Variants in MROH2B observed in about 807,000 individuals in gnomAD.
MROH2B encodes maestro heat like repeat family member 2B.
A neutral mutation model predicts 208.6 loss-of-function variants in MROH2B; 177 were observed. That is an observed-to-expected ratio of 0.85 (90% CI 0.75 to 0.96). The LOEUF (loss-of-function observed/expected upper bound fraction) is 0.96, where lower values mean the gene tolerates loss of function less well. MROH2B is among the 40% of genes least tolerant of loss of function. MROH2B has a pLI of 0.00. For synonymous variants in MROH2B, 728 were observed against 659.0 expected (o/e 1.10, Z -1.60); for missense variants, 2,002 against 1,878.7 (o/e 1.07, Z -1.21).
Position 41,070,914 on chromosome 5 carries a change from A to G in MROH2B, c.-62T>C. 6.4e-7 allele frequency: 1 copy of G among 1,559,738 alleles called. No individual in the cohort carries two copies. The highest frequency in any genetic ancestry group is 1.4e-5 in the African/African-American group (1 of 73,850). On this transcript the variant is annotated 5_prime_UTR_variant, in exon 1 of 42. Transcript: ENST00000399564. ...TAAGTATTAGAAATAGTAAGGCTAA[A>G]AAATCAAAGAGGCAGGTTGGCAAGT... is the stretch of plus-strand genomic sequence containing the variant.
At chr5:41,005,703 G>T in intron 34 of MROH2B, 58 bp from the exon 35 acceptor site, 1 of 1,368,744 alleles carries the variant, frequency 7.3e-7, no homozygotes, top group Non-Finnish European at 1.0e-6. Flanking sequence ...GGAAATCTTA[G>T]TCTGTTTGTT....
At chr5:41,010,124 C>T (rs748809050) in intron 30 of MROH2B, 45 bp from the exon 31 acceptor site, 1 of 1,597,418 alleles carries the variant, frequency 6.3e-7, no homozygotes, top group Non-Finnish European at 8.5e-7. Flanking sequence ...GCCATTTTCC[C>T]TCTATGTGAA....
At chr5:41,039,130 T>A (rs186051662) in intron 20 of MROH2B, among the ~76,000 whole-genome samples, 19 of 152,260 alleles carry the variant, frequency 1.2e-4, no homozygotes, top group Admixed American at 3.9e-4. Flanking sequence ...TATATACTTA[T>A]CAGGCCCCTT....
intron 26 of MROH2B, 27 bp from the exon 27 acceptor site, chr5:41,018,457 T>G: frequency 3.8e-6 from 6 of 1,596,308 alleles, no homozygotes; most frequent in Non-Finnish European, 5.1e-6. Flanking sequence ...AAATGTTCTT[T>G]CCTTAGTATT....
At chr5:41,065,136 A>C (rs1005131883) in intron 4 of MROH2B, among the ~76,000 whole-genome samples, 195 bp downstream of exon 4, 1 of 152,196 alleles carries the variant, frequency 6.6e-6, no homozygotes, top group Non-Finnish European at 1.5e-5. Context: ...CCAAATTCAG[A>C]GCAGTCTGGA....
At chr5:41,063,221 A>T (rs1269403706) in intron 5 of MROH2B, among the ~76,000 whole-genome samples, 1 of 152,186 alleles carries the variant, frequency 6.6e-6, no homozygotes, top group Non-Finnish European at 1.5e-5. Context: ...AGAGGCTCCA[A>T]AGTTTATTTG....
intron 27 of MROH2B, 77 bp from the exon 28 acceptor site, chr5:41,018,047 A>C: frequency 1.4e-4 from 210 of 1,480,710 alleles, no homozygotes; most frequent in Non-Finnish European, 1.8e-4. Context: ...ACTGGATCTC[A>C]AGTCTCTTAT....
At chr5:41,027,895 G>A (rs1302796398) in intron 24 of MROH2B, among the ~76,000 whole-genome samples, 5 of 152,118 alleles carry the variant, frequency 3.3e-5, no homozygotes, top group Admixed American at 2.0e-4. Flanking sequence ...GTAGGGACAT[G>A]GATGAAGCTG....
intron 16 of MROH2B, 38 bp from the exon 17 acceptor site, chr5:41,047,802 A>G (rs765252600): frequency 2.6e-6 from 4 of 1,541,844 alleles, no homozygotes; most frequent in Non-Finnish European, 3.5e-6. Flanking sequence ...GCAAAAAAAC[A>G]AAACCACCCC....
chr5:41,020,915 A>C (rs918418132), intron 24 of MROH2B, among the ~76,000 whole-genome samples: 1 of 152,220 alleles, frequency 6.6e-6, no homozygotes, highest in Non-Finnish European at 1.5e-5. Context: ...TACAACTTCT[A>C]TTTAGCATAG....
At chr5:41,003,991 G>T (rs1384836048) in intron 37 of MROH2B, among the ~76,000 whole-genome samples, 1 of 152,160 alleles carries the variant, frequency 6.6e-6, no homozygotes, top group East Asian at 1.9e-4. Flanking sequence ...AAACTCTGTG[G>T]ATCCTAAGAT....
chr5:41,000,162 C>A (rs766081453), intron 39 of MROH2B, 58 bp downstream of exon 39: 3 of 1,588,518 alleles, frequency 1.9e-6, no homozygotes, highest in African/African-American at 1.4e-5. Flanking sequence ...TGCCCTTCTG[C>A]GATTTGTCTA....
At chr5:41,005,413 A>AGCACC (rs35848875) in intron 35 of MROH2B, 118 bp downstream of exon 35, 2 of 204,604 alleles carry the variant, frequency 9.8e-6, no homozygotes, top group South Asian at 5.0e-5. Flanking sequence ...CCTCTATGAA[A>AGCACC]CCCCCCCCCC....
chr5:41,014,813 C>A (rs1444172162), intron 29 of MROH2B, among the ~76,000 whole-genome samples: 1 of 152,140 alleles, frequency 6.6e-6, no homozygotes, highest in Non-Finnish European at 1.5e-5. Flanking sequence ...CTTCTTTATT[C>A]CCTTTCTTGA....
At chr5:41,046,635 CAT>C (rs1324508296) in intron 17 of MROH2B, among the ~76,000 whole-genome samples, 6 of 151,554 alleles carry the variant, frequency 4.0e-5, no homozygotes, top group African/African-American at 1.5e-4. Context: ...GAGAAGAAGA[CAT>C]GTGCAGACAG....
intron 28 of MROH2B, 82 bp downstream of exon 28, chr5:41,017,768 A>G: frequency 6.9e-7 from 1 of 1,449,942 alleles, no homozygotes; most frequent in Non-Finnish European, 9.2e-7. Context: ...GGAGAGAGAC[A>G]TAGGTGCATA....
Position 40,998,037 on chromosome 5 carries a change from T to C in MROH2B, c.*15A>G. 1 of 1,579,464 alleles carries C rather than the reference T, an allele frequency of 6.3e-7. No individual in the cohort carries two copies. The highest frequency in any genetic ancestry group is 8.7e-7 in the Non-Finnish European group (1 of 1,151,780). ...GTCAGATATAGGAAAAGCCAGCAGT[T>C]TATTTCTTGATGGCTTACAGAGGAA... is the stretch of plus-strand genomic sequence containing the variant. On this transcript the variant is annotated 3_prime_UTR_variant, in exon 42 of 42. Transcript: ENST00000399564.
At chr5:41,067,874 C>A (rs1743861075) in intron 2 of MROH2B, among the ~76,000 whole-genome samples, 2 of 152,184 alleles carry the variant, frequency 1.3e-5, no homozygotes, top group African/African-American at 4.8e-5. Flanking sequence ...AGCTTAATTG[C>A]TGCCCTTACT....
chr5:41,027,246 C>T (rs1579926329), intron 24 of MROH2B, among the ~76,000 whole-genome samples: 2 of 152,272 alleles, frequency 1.3e-5, no homozygotes, highest in East Asian at 1.9e-4. Context: ...TCAGAGTGAA[C>T]AGACAACCTA....
Sources: gnomAD v4.1 joint callset for allele counts (sites outside exome capture counted in the v4.1 genomes callset) on GRCh38, gnomAD v4.1.1 for gene constraint, MANE v1.5 for transcripts, NCBI Gene and HGNC (gene_info 2026-07-23, HGNC 2026-07-21) for gene names.